Variants in SRGAP2C observed in about 807,000 individuals in gnomAD.
SRGAP2C encodes the protein SLIT-ROBO Rho GTPase activating protein 2C, also known as SLIT-ROBO Rho GTPase-activating protein 2C.
SRGAP2C carries 15 observed loss-of-function variants against 25.1 expected under a neutral mutation model. The observed-to-expected ratio is 0.60, with a 90% CI of 0.40 to 0.92. The LOEUF (loss-of-function observed/expected upper bound fraction) is 0.92. SRGAP2C is among the 40% of genes least tolerant of loss of function. SRGAP2C has a pLI of 0.00. For missense variants in SRGAP2C, 144 were observed against 264.4 expected, an observed-to-expected ratio of 0.54 and a Z score of 3.16; for synonymous variants, 44 against 96.6, an observed-to-expected ratio of 0.46 and a Z score of 3.19.
At chr1:121,357,554 G>A (rs2101641191) in intron 4 of SRGAP2C, among the ~76,000 whole-genome samples, 2 of 150,874 alleles carry the variant, frequency 1.3e-5, no homozygotes, top group South Asian at 2.1e-4. Context: ...TCTTTCCTCA[G>A]GAAAGCTGAA....
intron 3 of SRGAP2C, among the ~76,000 whole-genome samples, chr1:121,294,234 CCTT>C (rs1312238736): frequency 1.4e-5 from 2 of 138,128 alleles, no homozygotes; most frequent in Admixed American, 7.5e-5. Context: ...CCATCCCTCT[CCTT>C]CTTTCTCCTT....
rs141558743 is a variant in SRGAP2C at position 121,275,638 on chromosome 1, C to T, written c.68-9165C>T. ...CTAAGGCAGCCTGCCAAAGTAGTCA[C>T]GATGATATTGAAATATCCCTCTCAT... On this transcript the variant is annotated intron_variant, in intron 2 of 9. Transcript: ENST00000367123. Among the ~76,000 whole-genome samples, 1,456 of 150,752 alleles carry T rather than the reference C, an allele frequency of 9.7e-3. 50 individuals are homozygous for T. The highest frequency in any genetic ancestry group is 0.052 in the Admixed American group (775 of 15,040).
chr1:121,211,079 G>A (rs1655238518), intron 2 of SRGAP2C, among the ~76,000 whole-genome samples: 1 of 146,508 alleles, frequency 6.8e-6, no homozygotes, highest in South Asian at 2.2e-4. Flanking sequence ...AGAAGGAAGG[G>A]GCTGCAGGAT....
chr1:121,215,875 CTG>C (rs1558083345), intron 2 of SRGAP2C, among the ~76,000 whole-genome samples: 1 of 151,570 alleles, frequency 6.6e-6, no homozygotes, highest in Admixed American at 6.6e-5. Flanking sequence ...TTTGAGAGCA[CTG>C]AGCCTCAGGC....
At chr1:121,239,262 A>AC (rs1553329389) in intron 2 of SRGAP2C, among the ~76,000 whole-genome samples, 80 of 1,704 alleles carry the variant, frequency 0.047, 8 homozygotes, top group Admixed American at 0.06. Flanking sequence ...ATATATATAT[A>AC]TATACTATAT....
At chr1:121,232,768 C>T (rs587633552) in intron 2 of SRGAP2C, among the ~76,000 whole-genome samples, 10 of 152,282 alleles carry the variant, frequency 6.6e-5, no homozygotes, top group Admixed American at 2.6e-4. Context: ...ATAGTAGCTA[C>T]ACCACCTGGA....
At chr1:121,191,473 G>T (rs1654674111) in intron 2 of SRGAP2C, among the ~76,000 whole-genome samples, 1 of 147,732 alleles carries the variant, frequency 6.8e-6, no homozygotes, top group African/African-American at 2.5e-5. Flanking sequence ...GGTTGAATCT[G>T]CAGATATGGA....
At chr1:121,293,645 T>C (rs1657536406) in intron 3 of SRGAP2C, among the ~76,000 whole-genome samples, 1 of 152,106 alleles carries the variant, frequency 6.6e-6, no homozygotes, top group Admixed American at 6.5e-5. Context: ...AATAGTACTG[T>C]ATTTTCAGTC....
chr1:121,342,933 C>A (rs1433520346), intron 4 of SRGAP2C, among the ~76,000 whole-genome samples: 1 of 99,416 alleles, frequency 1.0e-5, no homozygotes, highest in Non-Finnish European at 2.2e-5. Context: ...AAGAAAAATT[C>A]TTGAAAGAGT....
chr1:121,354,383 G>T (rs1354587633), intron 4 of SRGAP2C, among the ~76,000 whole-genome samples: 10 of 27,076 alleles, frequency 3.7e-4, no homozygotes, highest in East Asian at 1.2e-3. Flanking sequence ...CTTTCTTTCT[G>T]TCCTTTTTTT....
intron 2 of SRGAP2C, among the ~76,000 whole-genome samples, chr1:121,222,193 C>T (rs144188418): frequency 5.1e-4 from 78 of 152,300 alleles, no homozygotes; most frequent in African/African-American, 1.7e-3. Flanking sequence ...AAGATATGTG[C>T]TCATGGTCAC....
chr1:121,295,770 GT>G (rs1379602079), intron 3 of SRGAP2C, among the ~76,000 whole-genome samples: 138 of 150,596 alleles, frequency 9.2e-4, no homozygotes, highest in Non-Finnish European at 1.5e-3. Flanking sequence ...TGTTGTTTGG[GT>G]TTTTTTTTAG....
At chr1:121,268,411 G>A (rs1553334704) in intron 2 of SRGAP2C, among the ~76,000 whole-genome samples, 1 of 151,922 alleles carries the variant, frequency 6.6e-6, no homozygotes, top group Non-Finnish European at 1.5e-5. Flanking sequence ...GTAAGGTTTT[G>A]GAAAGCCATT....
intron 2 of SRGAP2C, among the ~76,000 whole-genome samples, chr1:121,201,598 C>T (rs114023561): frequency 0.05 from 7,595 of 152,308 alleles, 645 homozygotes; most frequent in African/African-American, 0.17. Context: ...TGTGCGCGCA[C>T]GCACACAAAC....
intron 3 of SRGAP2C, among the ~76,000 whole-genome samples, chr1:121,308,257 C>T (rs1186594623): frequency 6.9e-6 from 1 of 144,000 alleles, no homozygotes; most frequent in African/African-American, 2.6e-5. Flanking sequence ...CCTCAGGCTC[C>T]CTGAGCCTCA....
chr1:121,366,781 C>T (rs1358213153), intron 5 of SRGAP2C, among the ~76,000 whole-genome samples: 1 of 151,418 alleles, frequency 6.6e-6, no homozygotes, highest in Non-Finnish European at 1.5e-5. Context: ...AGCATCTTGA[C>T]CCTCTACTAT....
chr1:121,313,953 C>T (rs1468682869), intron 3 of SRGAP2C, among the ~76,000 whole-genome samples: 4 of 142,406 alleles, frequency 2.8e-5, no homozygotes, highest in East Asian at 4.1e-4. Context: ...TCTGTATTTC[C>T]TGAATCTGAA....
intron 2 of SRGAP2C, among the ~76,000 whole-genome samples, chr1:121,218,642 G>A (rs781943728): frequency 5.3e-5 from 8 of 149,662 alleles, no homozygotes; most frequent in South Asian, 4.2e-4. Context: ...AGCTACTCGG[G>A]AGGCTAAGGC....
intron 4 of SRGAP2C, chr1:121,361,382 C>T (rs1340708888): frequency 3.5e-5 from 5 of 144,888 alleles, no homozygotes; most frequent in South Asian, 4.5e-4. Flanking sequence ...CCAGGCATCC[C>T]GGATGCCTAG....
Sources: allele counts gnomAD v4.1 joint callset (sites outside exome capture counted in the v4.1 genomes callset), GRCh38; gene constraint gnomAD v4.1.1; transcripts MANE v1.5; gene names NCBI Gene and HGNC (gene_info 2026-07-23, HGNC 2026-07-21).